ATP9B: variants seen among roughly 807,000 people sequenced by gnomAD.
ATP9B encodes the protein probable phospholipid-transporting ATPase IIB.
A neutral mutation model predicts 146.1 loss-of-function variants in ATP9B; 110 were observed. The ratio of observed to expected loss-of-function variants is 0.75; its 90% CI spans 0.65 to 0.88. The LOEUF is 0.88. Among genes scored for constraint, ATP9B ranks in the 40% least tolerant of loss-of-function variants. The pLI, the probability that ATP9B is intolerant of heterozygous loss-of-function variation, is 0.00. For synonymous variants in ATP9B, 604 were observed against 569.7 expected, an observed-to-expected ratio of 1.06 and a Z score of -0.86; for missense variants, 1,499 against 1,496.4, an observed-to-expected ratio of 1.00 and a Z score of -0.03.
intron 22 of ATP9B, 34 bp from the exon 23 acceptor site, chr18:79,345,741 G>A: frequency 6.2e-7 from 1 of 1,613,768 alleles, no homozygotes; most frequent in Non-Finnish European, 8.5e-7. Flanking sequence ...TGATGGATAA[G>A]GTTTTATTTC....
chr18:79,331,259 G>A (rs753955130), intron 17 of ATP9B, among the ~76,000 whole-genome samples: 1 of 152,178 alleles, frequency 6.6e-6, no homozygotes, highest in African/African-American at 2.4e-5. Flanking sequence ...AACGGTAGTG[G>A]CAATATGAAT....
At chr18:79,189,891 A>G (rs1279835489) in intron 8 of ATP9B, among the ~76,000 whole-genome samples, 2 of 152,216 alleles carry the variant, frequency 1.3e-5, no homozygotes, top group Non-Finnish European at 2.9e-5. Flanking sequence ...GGTTCACGCC[A>G]TGGTATTACG....
At chr18:79,146,948 A>G (rs1180591924) in intron 6 of ATP9B, 1 of 152,294 alleles carries the variant, frequency 6.6e-6, no homozygotes, top group East Asian at 1.9e-4. Flanking sequence ...ACGCATTTCT[A>G]TGTTGTGTGC....
At chr18:79,348,320 A>G (rs2096903447) in intron 25 of ATP9B, 124 bp downstream of exon 25, 3 of 929,878 alleles carry the variant, frequency 3.2e-6, no homozygotes, top group African/African-American at 1.7e-5. Flanking sequence ...TAGAATGAAT[A>G]ATACTGATGT....
intron 7 of ATP9B, among the ~76,000 whole-genome samples, chr18:79,171,775 G>C (rs956931856): frequency 6.6e-6 from 1 of 152,098 alleles, no homozygotes; most frequent in African/African-American, 2.4e-5. Flanking sequence ...GCTTCCAGCA[G>C]CCCTCACCCT....
At chr18:79,194,009 G>A (rs1217251040) in intron 9 of ATP9B, among the ~76,000 whole-genome samples, 2 of 152,176 alleles carry the variant, frequency 1.3e-5, no homozygotes, top group Non-Finnish European at 2.9e-5. Flanking sequence ...TGAAGCACGG[G>A]CACCTGTGAG....
chr18:79,291,802 G>T (rs959630264), intron 13 of ATP9B, among the ~76,000 whole-genome samples: 2 of 152,338 alleles, frequency 1.3e-5, no homozygotes, highest in African/African-American at 2.4e-5. Context: ...ATGGTCAACT[G>T]TCAGGATACA....
In ATP9B at chr18:79,374,046, G is replaced by A; in HGVS notation, c.3219G>A (p.Glu1073=). 6.2e-7 allele frequency: 1 copy of A among 1,614,186 alleles called. No homozygotes were observed. The highest frequency in any genetic ancestry group is 1.7e-5 in the Admixed American group (1 of 60,024). The change falls in exon 28 of 30, where the codon GAG becomes GAA. Residue 1073 remains glutamate, a synonymous_variant. Coordinates refer to ENST00000426216, the MANE Select transcript of ATP9B (RefSeq NM_198531.5). ...RTWHWLMVVA[E]FLSLGCYVSS... Reference sequence around the variant, plus strand: ...GGCACTGGCTGATGGTGGTGGCCGAGTTCCTCAGCTTAGGCTGCTACGTGT... The same window carrying A: ...GGCACTGGCTGATGGTGGTGGCCGAATTCCTCAGCTTAGGCTGCTACGTGT...
chr18:79,086,934 T>G (rs529000310), intron 1 of ATP9B, among the ~76,000 whole-genome samples: 2 of 152,200 alleles, frequency 1.3e-5, no homozygotes, highest in African/African-American at 4.8e-5. Context: ...GTCTGCTGGG[T>G]TATTTATTTA....
At chr18:79,281,309 C>T (rs937318483) in intron 13 of ATP9B, among the ~76,000 whole-genome samples, 3 of 151,974 alleles carry the variant, frequency 2.0e-5, no homozygotes, top group Admixed American at 1.3e-4. Flanking sequence ...CCAGCCTGAC[C>T]AACATGGAGA....
chr18:79,223,142 C>T (rs2095696871), intron 11 of ATP9B, among the ~76,000 whole-genome samples: 1 of 152,132 alleles, frequency 6.6e-6, no homozygotes, highest in South Asian at 2.1e-4. Flanking sequence ...AGAATTAGAG[C>T]TGGTGCTTGT....
chr18:79,268,275 G>A (rs1051767592), intron 12 of ATP9B, among the ~76,000 whole-genome samples: 2 of 151,984 alleles, frequency 1.3e-5, no homozygotes, highest in African/African-American at 4.8e-5. Context: ...GTATTAGCAT[G>A]CCATCTTGTA....
At chr18:79,316,842 T>C (rs1210666818) in intron 15 of ATP9B, among the ~76,000 whole-genome samples, 1 of 152,186 alleles carries the variant, frequency 6.6e-6, no homozygotes, top group African/African-American at 2.4e-5. Flanking sequence ...GCTGATTCTT[T>C]GAAAGGTTAA....
intron 13 of ATP9B, among the ~76,000 whole-genome samples, chr18:79,292,576 A>G (rs188971579): frequency 3.3e-5 from 5 of 152,228 alleles, no homozygotes; most frequent in African/African-American, 1.2e-4. Flanking sequence ...GCTGATTCTG[A>G]AATTCACATG....
rs902360799 is a variant in ATP9B, at chr18:79,251,194, G to A, written c.1108-2187G>A. 3.5e-4 allele frequency among the ~76,000 whole-genome samples: 54 copies of A among 152,230 alleles called. 2 individuals are homozygous for A. The highest frequency in any genetic ancestry group is 1.8e-4 in the Non-Finnish European group (12 of 68,044). ...CCAAGTGAGCCCTGTGGCAGTGTGC[G>A]CAGGACAGATCACAGGAGGGGCCGC... On this transcript the variant is annotated intron_variant, in intron 11 of 29. Coordinates refer to ENST00000426216, the MANE Select transcript of ATP9B (RefSeq NM_198531.5).
chr18:79,188,746 A>T (rs1009799501), intron 8 of ATP9B, among the ~76,000 whole-genome samples: 1 of 151,988 alleles, frequency 6.6e-6, no homozygotes, highest in Admixed American at 6.6e-5. Flanking sequence ...CTCTTTTTCT[A>T]ATCTTTCTCT....
In ATP9B at chr18:79,120,353, T is replaced by G. The variant is rs1215710060; in HGVS notation, c.559-5914T>G. ...AATCCTATTTCTGTTGTTCGCTAATTTTAAATAAAACAAGTTACTTCAAAC... is the reference window on the plus strand; with the variant it reads ...AATCCTATTTCTGTTGTTCGCTAATGTTAAATAAAACAAGTTACTTCAAAC... On this transcript the variant is annotated intron_variant, in intron 4 of 29. Transcript: ENST00000426216. Among the ~76,000 whole-genome samples, 3 of 151,820 alleles carry G rather than the reference T, an allele frequency of 2.0e-5. No individual in the cohort carries two copies. The East Asian group carries it at 5.8e-4, about 29-fold the overall frequency.
chr18:79,100,562 G>T lies in ATP9B; in HGVS notation c.293+3913G>T, dbSNP rs549476941. On this transcript the variant is annotated intron_variant, in intron 2 of 29. Transcript: ENST00000426216. ...AGCTTTTTTGATTAATGTTTGCATGGTATATATTGTCATTCTTTTACTTTT... is the reference window on the plus strand; with the variant it reads ...AGCTTTTTTGATTAATGTTTGCATGTTATATATTGTCATTCTTTTACTTTT... Among the ~76,000 whole-genome samples, 27 of 152,092 alleles carry T rather than the reference G, an allele frequency of 1.8e-4. No homozygotes were observed. The South Asian group carries it at 5.6e-3, about 32-fold the overall frequency.
chr18:79,279,643 C>G (rs2096355129), intron 13 of ATP9B, among the ~76,000 whole-genome samples: 1 of 152,080 alleles, frequency 6.6e-6, no homozygotes, highest in South Asian at 2.1e-4. Flanking sequence ...AGAGTAACAA[C>G]AAAAAGTATA....
Sources: gnomAD v4.1 joint callset for allele counts (sites outside exome capture counted in the v4.1 genomes callset) on GRCh38, gnomAD v4.1.1 for gene constraint, MANE v1.5 for transcripts, NCBI Gene and HGNC (gene_info 2026-07-23, HGNC 2026-07-21) for gene names.